CACNA1B: variants seen among roughly 807,000 people sequenced by gnomAD.
CACNA1B encodes the protein voltage-dependent N-type calcium channel subunit alpha-1B.
CACNA1B carries 70 observed loss-of-function variants against 247.2 expected under a neutral mutation model. The observed-to-expected ratio is 0.28, with a 90% CI of 0.23 to 0.35. The LOEUF is 0.35. Ranked by LOEUF, CACNA1B falls within the 10% of genes least tolerant of loss-of-function variation. The pLI is 1.00. For missense variants in CACNA1B, 2,367 were observed against 3,197.4 expected (o/e 0.74, Z 6.26); for synonymous variants, 1,231 against 1,294.4 (o/e 0.95, Z 1.05).
At position 137,882,782 on chromosome 9, in the gene CACNA1B, C is replaced by G. The variant is rs199726113; in HGVS notation, c.429C>G (p.Phe143Leu). The G allele has an allele frequency of 6.2e-7, 1 of 1,613,972 alleles. No homozygotes were observed. Among genetic ancestry groups the G allele is most frequent in the East Asian group, 2.2e-5 (1 of 44,892 alleles). Residue 143 changes from phenylalanine to leucine, a missense_variant, in exon 3 of 47, where the codon TTC (phenylalanine) becomes TTG (leucine). Physicochemically the swap from Phe to Leu is conservative, Grantham distance 22. Coordinates refer to ENST00000371372, the MANE Select transcript of CACNA1B (RefSeq NM_000718.4). This position sits in a 1 kb window ranked among gnomAD's most constrained non-coding sequence, Gnocchi z 4.0. ...CCTATTTCATCGGGATCTTTTGCTTCGAGGCAGGGATCAAAATCATCGCTC... is the reference window on the plus strand; with the variant it reads ...CCTATTTCATCGGGATCTTTTGCTTGGAGGCAGGGATCAAAATCATCGCTC... ...TEPYFIGIFCFEAGIKIIALG... is the reference protein window; with the variant it reads ...TEPYFIGIFCLEAGIKIIALG...
chr9:138,079,999 C>T (rs550699751), intron 36 of CACNA1B, among the ~76,000 whole-genome samples: 14 of 152,232 alleles, frequency 9.2e-5, no homozygotes, highest in African/African-American at 3.1e-4. Flanking sequence ...GTTTGAGAGC[C>T]GGTAAGAGGA....
chr9:137,886,355 A>T (rs1250232308), intron 3 of CACNA1B, among the ~76,000 whole-genome samples: 1 of 152,066 alleles, frequency 6.6e-6, no homozygotes, highest in Non-Finnish European at 1.5e-5. Context: ...AGGTGGGAGG[A>T]GGCGGGAAGG....
In CACNA1B at chr9:138,120,073, C is replaced by T. The variant is rs946810978; in HGVS notation, c.6031-92C>T. The T allele has an allele frequency of 2.1e-5, 23 of 1,077,532 alleles. No homozygotes were observed. In the African/African-American group the frequency reaches 3.5e-4, roughly 16 times the overall value. 66.7% of individuals were successfully genotyped at this position (1,077,532 alleles called of 1,614,324 possible). On this transcript the variant is annotated intron_variant, in intron 44 of 46. Coordinates refer to ENST00000371372, the MANE Select transcript of CACNA1B (RefSeq NM_000718.4). ...CCAGGATGGGGGGCGTGTGGGCCTG[C>T]TGTCTGGCCTGCTCCACCACCCACT...
chr9:138,052,306 C>CT lies in CACNA1B; in HGVS notation c.3807+119dup, dbSNP rs1390042230. On this transcript the variant is annotated intron_variant, in intron 25 of 46. Coordinates refer to ENST00000371372, the MANE Select transcript of CACNA1B (RefSeq NM_000718.4). This position sits in a 1 kb window ranked among gnomAD's most constrained non-coding sequence, Gnocchi z 5.1. ...GTGTGTGTGTGTTCACATCACACCC[C>CT]TGTGTGAGGGGGTTGGGCTCACTCA... The CT allele has an allele frequency of 6.3e-6, 4 of 631,638 alleles. No homozygotes were observed. The Admixed American group carries it at 9.2e-5, about 15-fold the overall frequency. The allele number at this position is 631,638 out of a possible 1,614,324, so 39.1% of individuals were successfully genotyped here.
chr9:138,119,568 C>T (rs371991401), intron 44 of CACNA1B, among the ~76,000 whole-genome samples: 6 of 152,294 alleles, frequency 3.9e-5, no homozygotes, highest in African/African-American at 1.4e-4. Flanking sequence ...GCCAGCAAAC[C>T]CTTTTCCTCT....
intron 20 of CACNA1B, among the ~76,000 whole-genome samples, chr9:138,031,753 G>A (rs945463796): frequency 1.3e-5 from 2 of 152,222 alleles, no homozygotes; most frequent in East Asian, 3.9e-4. Context: ...GTTGTGTAAC[G>A]TCCTTCTCTG....
chr9:138,096,326 G>C (rs546453099), intron 36 of CACNA1B, among the ~76,000 whole-genome samples, 158 bp from the exon 37 acceptor site: 58 of 152,218 alleles, frequency 3.8e-4, no homozygotes, highest in African/African-American at 1.4e-3. Flanking sequence ...AGGAAGTCTT[G>C]GAAGTCCCAT....
chr9:138,071,041 G>A (rs1960115396), intron 32 of CACNA1B, among the ~76,000 whole-genome samples: 1 of 152,272 alleles, frequency 6.6e-6, no homozygotes. Context: ...GGATACAGGG[G>A]ATGCTGGTCT....
intron 39 of CACNA1B, 37 bp from the exon 40 acceptor site, chr9:138,112,361 C>CT (rs781738970): frequency 3.3e-6 from 5 of 1,504,086 alleles, no homozygotes; most frequent in Admixed American, 1.7e-5. Flanking sequence ...CCTAACATCT[C>CT]TGTCTTTTCC....
rs115473230 is a variant in CACNA1B, at chr9:137,992,928, A to G, written c.1974+6074A>G. ...GGGAAATTAAGCAACCTGCTCCTGA[A>G]TGATTTTTGGGTTAACAATGAAATC... On this transcript the variant is annotated intron_variant, in intron 15 of 46. Transcript: ENST00000371372. Among the ~76,000 whole-genome samples the G allele has an allele frequency of 3.5e-3, 532 of 152,316 alleles. 4 individuals carry two copies. Among genetic ancestry groups the G allele is most frequent in the African/African-American group, 0.012 (514 of 41,568 alleles).
rs769675426 is a variant in CACNA1B, at chr9:137,879,103, C to T, written c.334C>T (p.Leu112=). 1.2e-6 allele frequency: 2 copies of T among 1,612,474 alleles called. No individual in the cohort carries two copies. Among genetic ancestry groups the T allele is most frequent in the Admixed American group, 1.7e-5 (1 of 59,966 alleles). ...LATIIANCIV[L]ALEQHLPDGD... is the part of the protein sequence containing the mutation. ...CACCATCATCGCCAACTGCATCGTG[C>T]TGGCCCTGGAGCAGCACCTCCCTGA... is the stretch of plus-strand genomic sequence containing the variant. The change falls in exon 2 of 47, where the codon CTG becomes TTG. Residue 112 remains leucine, a synonymous_variant. Coordinates refer to ENST00000371372, the MANE Select transcript of CACNA1B (RefSeq NM_000718.4).
intron 31 of CACNA1B, among the ~76,000 whole-genome samples, chr9:138,061,385 C>T (rs1036479528): frequency 3.9e-5 from 6 of 152,158 alleles, no homozygotes; most frequent in African/African-American, 4.8e-5. Context: ...GTTTCTGGAG[C>T]GATGGTGAGA....
chr9:137,940,822 C>T (rs1045136651), intron 6 of CACNA1B, among the ~76,000 whole-genome samples: 1 of 152,142 alleles, frequency 6.6e-6, no homozygotes, highest in Non-Finnish European at 1.5e-5. Context: ...ATCACATGAT[C>T]ATCTCAATAG....
intron 6 of CACNA1B, among the ~76,000 whole-genome samples, chr9:137,920,753 T>A (rs1174296714): frequency 6.6e-6 from 1 of 152,232 alleles, no homozygotes; most frequent in East Asian, 1.9e-4. Flanking sequence ...AGTGTTCAGA[T>A]CCATAGCTGC....
At chr9:138,029,146 A>G (rs1286464160) in intron 20 of CACNA1B, among the ~76,000 whole-genome samples, 2 of 152,220 alleles carry the variant, frequency 1.3e-5, no homozygotes, top group Admixed American at 6.5e-5. Context: ...AATGAAAGAT[A>G]TATATGTTTT....
intron 6 of CACNA1B, among the ~76,000 whole-genome samples, chr9:137,922,729 A>C (rs1004235281): frequency 4.6e-5 from 7 of 152,226 alleles, no homozygotes; most frequent in South Asian, 4.1e-4. Context: ...ATTCACATGC[A>C]GTAGTGAGAA....
intron 39 of CACNA1B, among the ~76,000 whole-genome samples, chr9:138,108,346 T>C (rs189787801): frequency 7.2e-4 from 97 of 133,964 alleles, no homozygotes; most frequent in Non-Finnish European, 1.3e-3. Context: ...AGCTTCATAA[T>C]ACCATATATA....
At chr9:137,887,104 C>T (rs1446072532) in intron 3 of CACNA1B, among the ~76,000 whole-genome samples, 6 of 151,668 alleles carry the variant, frequency 4.0e-5, no homozygotes, top group East Asian at 2.0e-4. Context: ...GTGAGGTTGG[C>T]GGAGCAGCGG....
At chr9:138,117,228 C>T (rs577719575) in intron 42 of CACNA1B, among the ~76,000 whole-genome samples, 25 of 151,828 alleles carry the variant, frequency 1.6e-4, no homozygotes, top group South Asian at 1.0e-3. Context: ...GGGTGGCCTC[C>T]GCCAGAAGGC....
Sources: gnomAD v4.1 joint callset for allele counts (sites outside exome capture counted in the v4.1 genomes callset) on GRCh38, gnomAD v4.1.1 for gene constraint, Gnocchi (gnomAD v3.1) non-coding constraint, MANE v1.5 for transcripts, NCBI Gene and HGNC (gene_info 2026-07-23, HGNC 2026-07-21) for gene names.